DOCK9: variants seen among roughly 807,000 people sequenced by gnomAD.
DOCK9 encodes the protein dedicator of cytokinesis protein 9.
Under a neutral mutation model 263.3 loss-of-function variants are expected in DOCK9, and 89 were observed. The ratio of observed to expected loss-of-function variants is 0.34; its 90% CI spans 0.28 to 0.40. The LOEUF (loss-of-function observed/expected upper bound fraction) is 0.40, where lower values mean the gene tolerates loss of function less well. DOCK9 is among the 10% of genes least tolerant of loss of function. The pLI, the probability that DOCK9 is intolerant of heterozygous loss-of-function variation, is 1.00. For synonymous variants in DOCK9, 976 were observed against 973.1 expected (o/e 1.00, Z -0.06); for missense variants, 2,140 against 2,603.4 (o/e 0.82, Z 3.87).
chr13:98,947,496 T>C lies in DOCK9; in HGVS notation c.243+7939A>G, dbSNP rs140572525. On this transcript the variant is annotated intron_variant, in intron 2 of 52. Coordinates refer to ENST00000682017, the MANE Select transcript of DOCK9 (RefSeq NM_001366683.2). ...CTCATATCCTCAAGGTTTAGATGTG[T>C]CTATTCAGAATTTTTTTTTTTTTTT... 3.5e-3 allele frequency among the ~76,000 whole-genome samples: 515 copies of C among 148,494 alleles called. 4 individuals carry two copies. Among genetic ancestry groups the C allele is most frequent in the African/African-American group, 0.012 (500 of 40,302 alleles).
chr13:98,856,261 A>ACC, intron 33 of DOCK9: 1 of 414,096 alleles, frequency 2.4e-6, no homozygotes, highest in South Asian at 5.1e-5. Context: ...CTTGTTAGAA[A>ACC]CCACCTTTGA....
At chr13:98,886,700 A>G (rs1259834663) in intron 18 of DOCK9, 76 bp from the exon 19 acceptor site, 2 of 1,357,480 alleles carry the variant, frequency 1.5e-6, no homozygotes, top group Non-Finnish European at 2.1e-6. Context: ...ATCGTAAAGG[A>G]GGAGGCATTC....
chr13:98,810,744 C>T (rs2091227395), intron 45 of DOCK9, among the ~76,000 whole-genome samples: 1 of 152,082 alleles, frequency 6.6e-6, no homozygotes, highest in Non-Finnish European at 1.5e-5. Flanking sequence ...TGGGGGGCAC[C>T]GTGCCTGCTT....
At chr13:98,896,740 G>C (rs2047495757) in intron 15 of DOCK9, among the ~76,000 whole-genome samples, 1 of 152,190 alleles carries the variant, frequency 6.6e-6, no homozygotes. Flanking sequence ...ACTGACTTGG[G>C]GAAGCTGCCG....
At chr13:99,011,108 G>T (rs1884399811) in intron 1 of DOCK9, among the ~76,000 whole-genome samples, 2 of 151,826 alleles carry the variant, frequency 1.3e-5, no homozygotes, top group Admixed American at 1.3e-4. Context: ...TGTTGGTCAA[G>T]CTGGTCTTGA....
intron 1 of DOCK9, among the ~76,000 whole-genome samples, chr13:99,073,069 C>T (rs751424651): frequency 4.6e-5 from 7 of 152,116 alleles, no homozygotes; most frequent in African/African-American, 9.7e-5. Context: ...AGTGTCTCAC[C>T]TCAGGAAGGA....
At position 99,015,679 on chromosome 13, in the gene DOCK9, C is replaced by T. The variant is rs975447793; in HGVS notation, c.130-60128G>A. On this transcript the variant is annotated intron_variant, in intron 1 of 32. Transcript: ENST00000427887. ...TCCACATCCTCTTCCTTGGCTCTTC[C>T]GAAACAGGCTCCCACTGTACCATCT... 1.7e-5 allele frequency: 25 copies of T among 1,491,468 alleles called. No homozygotes were observed. The South Asian group carries it at 1.7e-4, about 10-fold the overall frequency. 92.4% of individuals were successfully genotyped at this position (1,491,468 alleles called of 1,614,324 possible). A position where few individuals can be genotyped will look rare whatever the true frequency, so the allele number is the denominator to read the frequency against.
intron 3 of DOCK9, among the ~76,000 whole-genome samples, chr13:98,928,448 G>T (rs1327972649): frequency 2.0e-5 from 3 of 152,146 alleles, no homozygotes; most frequent in Non-Finnish European, 4.4e-5. Flanking sequence ...AGTTATGTTG[G>T]CTCCAGCAGC....
intron 1 of DOCK9, among the ~76,000 whole-genome samples, chr13:99,055,836 A>G (rs2040893523): frequency 6.6e-6 from 1 of 151,864 alleles, no homozygotes; most frequent in Non-Finnish European, 1.5e-5. Context: ...AGCTTTTAAC[A>G]TATACTAGCT....
At chr13:98,958,143 G>A (rs571228409) in intron 1 of DOCK9, among the ~76,000 whole-genome samples, 6 of 152,336 alleles carry the variant, frequency 3.9e-5, no homozygotes, top group African/African-American at 1.4e-4. Flanking sequence ...GATTTTTTGG[G>A]CTTTGTTCCT....
intron 13 of DOCK9, among the ~76,000 whole-genome samples, chr13:98,901,049 C>T (rs530460998): frequency 6.6e-6 from 1 of 152,270 alleles, no homozygotes; most frequent in African/African-American, 2.4e-5. Context: ...TAACAGATTA[C>T]ACTAACCAGG....
chr13:98,906,348 G>C (rs1037674142), intron 9 of DOCK9, among the ~76,000 whole-genome samples: 4 of 152,124 alleles, frequency 2.6e-5, no homozygotes, highest in Admixed American at 2.6e-4. Context: ...GCAGAGATGA[G>C]GGCTGGAGAT....
chr13:99,046,001 T>C (rs1888967302), intron 1 of DOCK9, among the ~76,000 whole-genome samples: 1 of 150,412 alleles, frequency 6.6e-6, no homozygotes, highest in Non-Finnish European at 1.5e-5. Context: ...CTCAGGAGAC[T>C]GAGGCAGGAG....
At position 98,928,245 on chromosome 13, in the gene DOCK9, G is replaced by A. The variant is rs79738192; in HGVS notation, c.333+1923C>T. Among the ~76,000 whole-genome samples, 885 of 152,324 alleles carry A rather than the reference G, an allele frequency of 5.8e-3. 4 individuals carry two copies. The highest frequency in any genetic ancestry group is 9.0e-3 in the Non-Finnish European group (610 of 68,024). ...TGTACCTTCAAAAAGACAGGAATGT[G>A]ACTGACTGATTATACGATTAACATT... On this transcript the variant is annotated intron_variant, in intron 3 of 52. Transcript: ENST00000682017.
intron 1 of DOCK9, among the ~76,000 whole-genome samples, chr13:99,048,279 G>A (rs1057466279): frequency 2.0e-5 from 3 of 152,140 alleles, no homozygotes; most frequent in Admixed American, 6.5e-5. Flanking sequence ...TAAGAAGCAC[G>A]CCTGAAGACA....
At chr13:98,838,308 G>A (rs557936736) in intron 38 of DOCK9, among the ~76,000 whole-genome samples, 14 of 152,294 alleles carry the variant, frequency 9.2e-5, no homozygotes, top group Non-Finnish European at 1.8e-4. Context: ...TTGTGGTAAG[G>A]ATTAAATTTG....
chr13:98,827,777 G>C (rs1203682348), intron 43 of DOCK9, among the ~76,000 whole-genome samples: 1 of 152,172 alleles, frequency 6.6e-6, no homozygotes, highest in Non-Finnish European at 1.5e-5. Context: ...CACTGAACAG[G>C]CAGGAAAGTA....
intron 1 of DOCK9, among the ~76,000 whole-genome samples, chr13:98,967,716 A>C (rs7991398): frequency 0.54 from 81,915 of 152,000 alleles, 22,294 homozygotes; most frequent in East Asian, 0.75. Flanking sequence ...CACTGAACTA[A>C]CCAGGCTTTA....
intron 1 of DOCK9, among the ~76,000 whole-genome samples, chr13:99,052,344 G>A (rs1180312231): frequency 3.9e-5 from 6 of 152,022 alleles, no homozygotes; most frequent in Admixed American, 3.3e-4. Context: ...GTAAACAAAT[G>A]CCAGCACACA....
Sources: gnomAD v4.1 joint callset for allele counts (sites outside exome capture counted in the v4.1 genomes callset) on GRCh38, gnomAD v4.1.1 for gene constraint, MANE v1.5 for transcripts, NCBI Gene and HGNC (gene_info 2026-07-23, HGNC 2026-07-21) for gene names.